The following UBXN2A variants were observed in gnomAD, a reference collection of about 807,000 sequenced individuals.
UBXN2A encodes the protein UBX domain-containing protein 2A.
A neutral mutation model predicts 28.4 loss-of-function variants in UBXN2A; 28 were observed. The observed-to-expected ratio is 0.99, with a 90% CI of 0.73 to 1.35. The LOEUF is 1.35. Ranked by LOEUF, UBXN2A falls within the 40% of genes most tolerant of loss-of-function variation. The probability of loss-of-function intolerance (pLI) is 0.00; values close to 1 mark genes in which losing one functional copy is unlikely to be tolerated. For synonymous variants in UBXN2A, 97 were observed against 103.6 expected, an observed-to-expected ratio of 0.94 and a Z score of 0.39; for missense variants, 253 against 297.9, an observed-to-expected ratio of 0.85 and a Z score of 1.11.
At chr2:23,946,480 C>T (rs1258686389) in intron 1 of UBXN2A, among the ~76,000 whole-genome samples, 1 of 150,614 alleles carries the variant, frequency 6.6e-6, no homozygotes, top group Non-Finnish European at 1.5e-5. Context: ...GCCACTATAC[C>T]TGGCTATTTT....
At chr2:23,951,413 GATATATATATATATATATATATATATAT>G (rs57701448) in intron 1 of UBXN2A, among the ~76,000 whole-genome samples, 116 of 109,856 alleles carry the variant, frequency 1.1e-3, no homozygotes, top group South Asian at 4.0e-3. Context: ...CAGTAAGATG[GATATATATATATATATATATATATATAT>G]ATATATATAT....
chr2:23,929,975 G>A (rs1295416324), intron 1 of UBXN2A, among the ~76,000 whole-genome samples: 2 of 151,880 alleles, frequency 1.3e-5, no homozygotes, highest in Non-Finnish European at 1.5e-5. Context: ...TGCAACCTCC[G>A]CCTCCCAGGT....
rs776345312 is a variant in UBXN2A, at chr2:23,999,873, G to C, written c.*6G>C. The stretch of plus-strand genomic sequence containing the variant: ...GAGAACTTTCAGAGCACTGATTTTT[G>C]ATAGACTAAGTGGAAAATTTGCAGA... On this transcript the variant is annotated 3_prime_UTR_variant, in exon 7 of 7. Transcript: ENST00000309033. 9.3e-6 allele frequency: 15 copies of C among 1,606,632 alleles called. No individual in the cohort carries two copies. The highest frequency in any genetic ancestry group is 1.3e-5 in the Non-Finnish European group (15 of 1,176,524).
At chr2:23,991,584 C>A (rs1708355897) in intron 6 of UBXN2A, among the ~76,000 whole-genome samples, 1 of 150,382 alleles carries the variant, frequency 6.6e-6, no homozygotes, top group Admixed American at 6.7e-5. Flanking sequence ...TTCTCCCTGC[C>A]CCAGACTCCT....
chr2:23,984,668 C>T lies in UBXN2A; in HGVS notation c.426-5C>T. ...CGTCTAACTTTGTTGTCTGGATTTCCTTAGTGCCACACCAAAAATTGTTTC... is the reference window on the plus strand; with the variant it reads ...CGTCTAACTTTGTTGTCTGGATTTCTTTAGTGCCACACCAAAAATTGTTTC... On this transcript the variant is annotated splice_region_variant and splice_polypyrimidine_tract_variant and intron_variant, in intron 5 of 6. Transcript: ENST00000309033. 6.7e-7 allele frequency: 1 copy of T among 1,492,166 alleles called. No homozygotes were observed. Among genetic ancestry groups the T allele is most frequent in the Non-Finnish European group, 8.9e-7 (1 of 1,127,940 alleles). The allele number at this position is 1,492,166 out of a possible 1,614,324, so 92.4% of individuals were successfully genotyped here.
In UBXN2A at chr2:23,944,346, G is replaced by C. The variant is rs1297237713; in HGVS notation, c.-15+3698G>C. 2.4e-5 allele frequency: 38 copies of C among 1,582,642 alleles called. No individual in the cohort carries two copies. In the East Asian group the frequency reaches 8.3e-4, roughly 35 times the overall value. On this transcript the variant is annotated intron_variant, in intron 1 of 6. Coordinates refer to ENST00000309033, the MANE Select transcript of UBXN2A (RefSeq NM_181713.4). The stretch of plus-strand genomic sequence containing the variant: ...TGTGTTATTTGTAGGGCTGGCAGCT[G>C]TGTGAAGAACTGAGGTGACCAGCAT...
intron 2 of UBXN2A, among the ~76,000 whole-genome samples, chr2:23,962,353 A>G (rs2150844730): frequency 6.6e-6 from 1 of 152,314 alleles, no homozygotes; most frequent in Non-Finnish European, 1.5e-5. Flanking sequence ...TAGTTGTTTC[A>G]GAGTCCCTTA....
At chr2:23,951,555 G>C (rs1362969082) in intron 1 of UBXN2A, among the ~76,000 whole-genome samples, 3 of 150,830 alleles carry the variant, frequency 2.0e-5, no homozygotes, top group Admixed American at 2.0e-4. Context: ...CTGCCTCCAA[G>C]GTTCAAGCGA....
At position 23,984,783 on chromosome 2, in the gene UBXN2A, G is replaced by C; in HGVS notation, c.536G>C (p.Trp179Ser). 1 of 1,563,444 alleles carries C rather than the reference G, an allele frequency of 6.4e-7. No homozygotes were observed. Among genetic ancestry groups the C allele is most frequent in the Non-Finnish European group, 8.6e-7 (1 of 1,165,034 alleles). ...GAACCCATTACTAATATACAGATCT[G>C]GTTGGCCAATGGAAAAAGGATTGTC... ...NLEPITNIQI[W>S]LANGKRIVQK... The change falls in exon 6 of 7, where the codon TGG becomes TCG. Residue 179 changes from tryptophan (W) to serine (S), a missense_variant. By Grantham distance (177) the Trp-to-Ser change is radical. Transcript: ENST00000309033.
chr2:23,950,894 G>A (rs918605103), intron 1 of UBXN2A, among the ~76,000 whole-genome samples: 1 of 151,752 alleles, frequency 6.6e-6, no homozygotes, highest in African/African-American at 2.4e-5. Context: ...GGCCAGGCTG[G>A]TCTCGAACTC....
chr2:23,944,456 T>C (rs1705941784), intron 1 of UBXN2A: 3 of 770,708 alleles, frequency 3.9e-6, no homozygotes, highest in Non-Finnish European at 6.7e-6. Context: ...CTTATTTGTT[T>C]AGATTCTTTT....
intron 6 of UBXN2A, 86 bp from the exon 7 acceptor site, chr2:23,999,586 C>A: frequency 7.2e-7 from 1 of 1,383,272 alleles, no homozygotes; most frequent in Non-Finnish European, 1.0e-6. Context: ...ATAACATATC[C>A]AGATACTTTT....
chr2:23,927,904 G>A (rs1386956581), intron 1 of UBXN2A, among the ~76,000 whole-genome samples: 1 of 152,050 alleles, frequency 6.6e-6, no homozygotes, highest in African/African-American at 2.4e-5. Context: ...GGCCGGGTGC[G>A]GTGGCTCAAG....
intron 1 of UBXN2A, among the ~76,000 whole-genome samples, chr2:23,928,296 A>G (rs909409122): frequency 2.0e-5 from 3 of 152,120 alleles, no homozygotes; most frequent in African/African-American, 7.2e-5. Context: ...AAAAATTCAC[A>G]GTACAGGCCG....
Position 23,990,789 on chromosome 2 carries a change from G to A in UBXN2A, c.584+5958G>A, listed in dbSNP as rs534228953. Among the ~76,000 whole-genome samples, 195 of 150,196 alleles carry A rather than the reference G, an allele frequency of 1.3e-3. 1 individual carries two copies. The highest frequency in any genetic ancestry group is 4.6e-3 in the African/African-American group (188 of 41,046). ...ACTCCATCTCAAAAAAAAAAAAAAAGTATTTGCTATGGCTGCACACATAAA... is the reference window on the plus strand; with the variant it reads ...ACTCCATCTCAAAAAAAAAAAAAAAATATTTGCTATGGCTGCACACATAAA... On this transcript the variant is annotated intron_variant, in intron 6 of 6. Transcript: ENST00000309033.
chr2:23,990,928 A>G (rs1040300596), intron 6 of UBXN2A, among the ~76,000 whole-genome samples: 13 of 152,194 alleles, frequency 8.5e-5, no homozygotes, highest in African/African-American at 1.7e-4. Context: ...CTACTAAGCC[A>G]TGACTACTCT....
rs531193126 is a variant in UBXN2A at position 23,966,735 on chromosome 2, G to A, written c.42-4541G>A. Among the ~76,000 whole-genome samples the A allele has an allele frequency of 1.9e-3, 284 of 145,960 alleles. 2 individuals carry two copies. The highest frequency in any genetic ancestry group is 3.6e-3 in the Non-Finnish European group (240 of 67,010). Reference sequence around the variant, plus strand: ...CAAAGTGCTAGGATTACAGGCGTGAGCCACCGCGCCCGGCCTTTTTTTTTT... The same window carrying A: ...CAAAGTGCTAGGATTACAGGCGTGAACCACCGCGCCCGGCCTTTTTTTTTT... On this transcript the variant is annotated intron_variant, in intron 2 of 6. Transcript: ENST00000309033.
chr2:23,938,028 C>A (rs1705580520), upstream of UBXN2A, among the ~76,000 whole-genome samples: 1 of 152,134 alleles, frequency 6.6e-6, no homozygotes, highest in South Asian at 2.1e-4. Context: ...GCCTTATAAT[C>A]TTATGTGACC....
At chr2:23,963,880 A>G (rs1458299493) in intron 2 of UBXN2A, among the ~76,000 whole-genome samples, 1 of 152,204 alleles carries the variant, frequency 6.6e-6, no homozygotes, top group Non-Finnish European at 1.5e-5. Flanking sequence ...TGTAATGCCA[A>G]CATTTTGGGA....
Sources: gnomAD v4.1 joint callset for allele counts (sites outside exome capture counted in the v4.1 genomes callset) on GRCh38, gnomAD v4.1.1 for gene constraint, MANE v1.5 for transcripts, NCBI Gene and HGNC (gene_info 2026-07-23, HGNC 2026-07-21) for gene names.